STAG1: variants seen among roughly 807,000 people sequenced by gnomAD.
The protein encoded by STAG1 is cohesin subunit SA-1.
A neutral mutation model predicts 170.9 loss-of-function variants in STAG1; 26 were observed. The ratio of observed to expected loss-of-function variants is 0.15; its 90% CI spans 0.11 to 0.21. The LOEUF is 0.21. Among genes scored for constraint, STAG1 ranks in the 10% least tolerant of loss-of-function variants. STAG1 has a pLI of 1.00. For synonymous variants in STAG1, 514 were observed against 497.7 expected, an observed-to-expected ratio of 1.03 and a Z score of -0.44; for missense variants, 964 against 1,509.5, an observed-to-expected ratio of 0.64 and a Z score of 5.99.
chr3:136,686,124 T>C (rs887170065), intron 1 of STAG1, among the ~76,000 whole-genome samples: 6 of 152,188 alleles, frequency 3.9e-5, no homozygotes, highest in Non-Finnish European at 8.8e-5. Flanking sequence ...GCAGGTTGTT[T>C]TGGCAGCTGG....
chr3:136,698,304 G>GAA (rs1942956623), intron 1 of STAG1, among the ~76,000 whole-genome samples: 1 of 151,726 alleles, frequency 6.6e-6, no homozygotes, highest in Admixed American at 6.6e-5. Flanking sequence ...AAATCAGCAA[G>GAA]AAAAAAACAA....
chr3:136,499,879 A>G, intron 9 of STAG1: 1 of 165,610 alleles, frequency 6.0e-6, no homozygotes, highest in Non-Finnish European at 1.3e-5. Flanking sequence ...AGTACCACAG[A>G]GCAAGAAGTA....
chr3:136,709,852 T>G (rs554956966), intron 1 of STAG1, among the ~76,000 whole-genome samples: 1 of 151,962 alleles, frequency 6.6e-6, no homozygotes, highest in South Asian at 2.1e-4. Context: ...CTGGCCAACA[T>G]GGTGAAACCT....
intron 20 of STAG1, among the ~76,000 whole-genome samples, chr3:136,418,386 A>G (rs2087840580): frequency 1.7e-5 from 2 of 120,786 alleles, no homozygotes; most frequent in South Asian, 2.7e-4. Context: ...AAAAAAAAAA[A>G]AAAAAAAAAA....
At chr3:136,565,900 A>G (rs965881135) in intron 5 of STAG1, among the ~76,000 whole-genome samples, 1 of 152,222 alleles carries the variant, frequency 6.6e-6, no homozygotes, top group African/African-American at 2.4e-5. Context: ...CCTCAAAAAC[A>G]TGGTAAGTGA....
chr3:136,375,746 A>T (rs2108304346), intron 23 of STAG1, among the ~76,000 whole-genome samples: 1 of 152,012 alleles, frequency 6.6e-6, no homozygotes, highest in Non-Finnish European at 1.5e-5. Context: ...TGAGGCAGGC[A>T]GATCATGAGG....
intron 9 of STAG1, among the ~76,000 whole-genome samples, chr3:136,498,233 TACACATAC>T (rs1208716391): frequency 1.7e-5 from 1 of 57,510 alleles, no homozygotes; most frequent in Non-Finnish European, 2.8e-5. Context: ...TATATATATA[TACACATAC>T]ATATACATAC....
intron 7 of STAG1, among the ~76,000 whole-genome samples, chr3:136,516,400 C>T (rs1338798534): frequency 1.3e-5 from 2 of 151,850 alleles, no homozygotes; most frequent in Admixed American, 6.6e-5. Context: ...CCCAGCTACT[C>T]GGGATGCTGA....
intron 6 of STAG1, among the ~76,000 whole-genome samples, chr3:136,530,300 C>G (rs961504544): frequency 6.6e-6 from 1 of 152,300 alleles, no homozygotes; most frequent in African/African-American, 2.4e-5. Flanking sequence ...TCACTCTCAG[C>G]ATTCGATCAT....
chr3:136,606,488 T>A (rs1261507422), intron 3 of STAG1, among the ~76,000 whole-genome samples: 1 of 152,100 alleles, frequency 6.6e-6, no homozygotes, highest in African/African-American at 2.4e-5. Context: ...ACGAGCGGCC[T>A]GATTTTTCTT....
chr3:136,348,879 G>A (rs1380054358), intron 29 of STAG1: 1 of 414,382 alleles, frequency 2.4e-6, no homozygotes. Context: ...TAATGTATTA[G>A]AGGCATATAG....
At chr3:136,673,457 T>C (rs1361869205) in intron 1 of STAG1, among the ~76,000 whole-genome samples, 3 of 152,138 alleles carry the variant, frequency 2.0e-5, no homozygotes, top group Admixed American at 6.6e-5. Context: ...AAAACATGAA[T>C]GGTAAGATCC....
chr3:136,390,402 A>C (rs1176262802), intron 22 of STAG1, among the ~76,000 whole-genome samples: 7 of 152,174 alleles, frequency 4.6e-5, no homozygotes, highest in Admixed American at 3.3e-4. Flanking sequence ...ATATTCTGAG[A>C]GCTGAACATG....
intron 7 of STAG1, among the ~76,000 whole-genome samples, chr3:136,511,493 G>A (rs1934062085): frequency 6.6e-6 from 1 of 152,212 alleles, no homozygotes; most frequent in African/African-American, 2.4e-5. Flanking sequence ...CCTGTCTTTT[G>A]CAGGGACATG....
At chr3:136,700,876 C>CTTTTTTTTTTTTTTTTTTTTTTTT (rs35459362) in intron 1 of STAG1, among the ~76,000 whole-genome samples, 2 of 78,356 alleles carry the variant, frequency 2.6e-5, no homozygotes, top group Non-Finnish European at 2.3e-5. Flanking sequence ...TATTTTTTTT[C>CTTTTTTTTTTTTTTTTTTTTTTTT]TTTTTTTTTT....
intron 21 of STAG1, among the ~76,000 whole-genome samples, chr3:136,412,236 G>C (rs2087644354): frequency 6.6e-6 from 1 of 152,048 alleles, no homozygotes; most frequent in Admixed American, 6.6e-5. Flanking sequence ...AAAAGTGAGT[G>C]AATGAATGAA....
intron 2 of STAG1, among the ~76,000 whole-genome samples, chr3:136,630,380 A>G (rs9942116): frequency 0.091 from 13,747 of 150,392 alleles, 2,060 homozygotes; most frequent in African/African-American, 0.32. Flanking sequence ...GGAAGTGAGC[A>G]GGGAGGGGGG....
At chr3:136,433,811 TA>T in intron 15 of STAG1, 152 bp from the exon 16 acceptor site, 4 of 583,988 alleles carry the variant, frequency 6.8e-6, no homozygotes, top group East Asian at 6.4e-5. Flanking sequence ...TTTTTTTTTT[TA>T]AAGTAATTAT....
At chr3:136,457,148 C>A (rs938292677) in intron 13 of STAG1, among the ~76,000 whole-genome samples, 5 of 152,070 alleles carry the variant, frequency 3.3e-5, no homozygotes, top group Admixed American at 1.3e-4. Context: ...GCCTTTGGAA[C>A]AGCAAAGTCT....
Sources: allele counts gnomAD v4.1 joint callset (sites outside exome capture counted in the v4.1 genomes callset), GRCh38; gene constraint gnomAD v4.1.1; transcripts MANE v1.5; gene names NCBI Gene and HGNC (gene_info 2026-07-23, HGNC 2026-07-21).